SHOC1: variants seen among roughly 807,000 people sequenced by gnomAD.
SHOC1 encodes protein shortage in chiasmata 1 ortholog.
SHOC1 carries 136 observed loss-of-function variants against 179.2 expected under a neutral mutation model. That is an observed-to-expected ratio of 0.76 (90% CI 0.66 to 0.87). SHOC1 has a LOEUF of 0.87. SHOC1 is among the 40% of genes least tolerant of loss of function. The pLI, the probability that SHOC1 is intolerant of heterozygous loss-of-function variation, is 0.00. For synonymous variants in SHOC1, 489 were observed against 586.6 expected (o/e 0.83, Z 2.41); for missense variants, 1,538 against 1,700.8 (o/e 0.90, Z 1.68).
At chr9:111,717,486 G>A (rs1282026825) in intron 16 of SHOC1, among the ~76,000 whole-genome samples, 1 of 151,932 alleles carries the variant, frequency 6.6e-6, no homozygotes, top group Non-Finnish European at 1.5e-5. Context: ...CCAGCTTCCT[G>A]GGGGGCTGAG....
intron 25 of SHOC1, 93 bp downstream of exon 25, chr9:111,694,138 A>G (rs950023010): frequency 2.3e-6 from 3 of 1,321,678 alleles, no homozygotes; most frequent in Non-Finnish European, 3.1e-6. Flanking sequence ...AATTTGAGAC[A>G]TTTGGGGGAA....
intron 2 of SHOC1, 136 bp downstream of exon 2, chr9:111,791,238 G>A (rs1215585364): frequency 4.5e-6 from 2 of 445,988 alleles, no homozygotes; most frequent in Non-Finnish European, 7.5e-6. Context: ...TCCAAAATCT[G>A]AAAAAAAATC....
At chr9:111,742,429 A>C (rs1188082487) in intron 10 of SHOC1, among the ~76,000 whole-genome samples, 1 of 151,606 alleles carries the variant, frequency 6.6e-6, no homozygotes, top group African/African-American at 2.4e-5. Context: ...CAAGACCTTC[A>C]ATCTTGGTGG....
chr9:111,726,951 A>C (rs1422371919), intron 13 of SHOC1, among the ~76,000 whole-genome samples: 1 of 152,208 alleles, frequency 6.6e-6, no homozygotes, highest in Non-Finnish European at 1.5e-5. Context: ...ATAAATATCA[A>C]AAGTTTCCAA....
At chr9:111,759,500 G>A in intron 5 of SHOC1, 5 of 1,224,620 alleles carry the variant, frequency 4.1e-6, no homozygotes, top group Non-Finnish European at 5.1e-6. Context: ...ACCCTGCCTT[G>A]TCTGGGTTTC....
At chr9:111,740,125 T>C (rs974129602) in intron 11 of SHOC1, among the ~76,000 whole-genome samples, 3 of 152,200 alleles carry the variant, frequency 2.0e-5, no homozygotes, top group Admixed American at 6.5e-5. Context: ...GGTAGAAATA[T>C]GCAAATTTAT....
At chr9:111,775,603 A>G (rs993976005) in intron 5 of SHOC1, among the ~76,000 whole-genome samples, 188 bp downstream of exon 5, 2 of 152,194 alleles carry the variant, frequency 1.3e-5, no homozygotes, top group South Asian at 2.1e-4. Context: ...AAACTCCAAA[A>G]ATAACCCAAC....
At chr9:111,736,686 A>T (rs1282033051) in intron 12 of SHOC1, among the ~76,000 whole-genome samples, 2 of 152,204 alleles carry the variant, frequency 1.3e-5, no homozygotes, top group Non-Finnish European at 2.9e-5. Context: ...CCTCAAAAAC[A>T]ATCGCAACAA....
chr9:111,695,290 CT>C (rs912705024), intron 24 of SHOC1, among the ~76,000 whole-genome samples: 10 of 152,038 alleles, frequency 6.6e-5, no homozygotes, highest in African/African-American at 2.2e-4. Flanking sequence ...ATAATTATGA[CT>C]TTTTTTCTTT....
At position 111,774,757 on chromosome 9, in the gene SHOC1, A is replaced by G. The variant is rs191379393; in HGVS notation, c.442+1034T>C. On this transcript the variant is annotated intron_variant, in intron 5 of 27. Coordinates refer to ENST00000682961, the MANE Select transcript of SHOC1 (RefSeq NM_001378211.1). The stretch of plus-strand genomic sequence containing the variant: ...GCTAAAAATTTTATACATAATTTAT[A>G]TATCTACATAAAAATAACAGTAAAA... Among the ~76,000 whole-genome samples, 7 of 152,172 alleles carry G rather than the reference A, an allele frequency of 4.6e-5. No individual in the cohort carries two copies. In the East Asian group the frequency reaches 1.3e-3, roughly 29 times the overall value.
At chr9:111,754,955 A>G (rs1415712238) in intron 8 of SHOC1, among the ~76,000 whole-genome samples, 1 of 152,228 alleles carries the variant, frequency 6.6e-6, no homozygotes, top group Non-Finnish European at 1.5e-5. Flanking sequence ...TTATGGCTTG[A>G]GATATCCCTG....
At chr9:111,687,808 G>A (rs893764474) in intron 27 of SHOC1, among the ~76,000 whole-genome samples, 1 of 149,828 alleles carries the variant, frequency 6.7e-6, no homozygotes, top group African/African-American at 2.5e-5. Context: ...CCTGACTGTG[G>A]CTTTTTTTCA....
At chr9:111,778,770 CAAAAA>C (rs11295075) in intron 4 of SHOC1, among the ~76,000 whole-genome samples, 1 of 74,006 alleles carries the variant, frequency 1.4e-5, no homozygotes. Flanking sequence ...GACTCTGTCT[CAAAAA>C]AAAAAAAAAA....
In SHOC1 at chr9:111,757,087, T is replaced by A. The variant is rs555811236; in HGVS notation, c.709-609A>T. On this transcript the variant is annotated intron_variant, in intron 7 of 27. Transcript: ENST00000682961. ...TAAAATCTCCAAATATAAAACATTTTAAGTTGTCCTAAAAAAATGTTTTTT... is the reference window on the plus strand; with the variant it reads ...TAAAATCTCCAAATATAAAACATTTAAAGTTGTCCTAAAAAAATGTTTTTT... Among the ~76,000 whole-genome samples, 29 of 152,292 alleles carry A rather than the reference T, an allele frequency of 1.9e-4. No homozygotes were observed. The East Asian group carries it at 5.6e-3, about 29-fold the overall frequency.
chr9:111,740,611 G>A (rs1368609732), intron 11 of SHOC1, among the ~76,000 whole-genome samples: 1 of 152,150 alleles, frequency 6.6e-6, no homozygotes, highest in Non-Finnish European at 1.5e-5. Context: ...GTCTCACCAT[G>A]TTGCTCAGGC....
In SHOC1 at chr9:111,691,556, A is replaced by G. The variant is rs1378035452; in HGVS notation, c.4421T>C (p.Leu1474Ser). 6.2e-7 allele frequency: 1 copy of G among 1,610,392 alleles called. No individual in the cohort carries two copies. Among genetic ancestry groups the G allele is most frequent in the African/African-American group, 1.3e-5 (1 of 74,580 alleles). Reference protein sequence around the residue: ...SSFNSGDKESLTGFMCSQLPQ... With the variant: ...SSFNSGDKESSTGFMCSQLPQ... ...CAACTATTGGATAGTGTTACCTGTT[A>G]ATGATTCCTTGTCTCCTGAGTTAAA... The change falls in exon 27 of 28, where the codon TTA (leucine) becomes TCA (serine). Residue 1474 changes from leucine (L) to serine (S), a missense_variant. Physicochemically the swap from Leu to Ser is moderately radical, Grantham distance 145. Coordinates refer to ENST00000682961, the MANE Select transcript of SHOC1 (RefSeq NM_001378211.1).
rs1831482450 is a variant in SHOC1 at position 111,692,322 on chromosome 9, C to T, written c.3655G>A (p.Val1219Met). ...AAAATGGTGGTTTTGTCTTCCTGCA[C>T]TGTCTCTCCTAATCCTAAATACTGA... is the stretch of plus-strand genomic sequence containing the variant. ...YYQYLGLGET[V>M]QEDKTTILND... is the part of the protein sequence containing the mutation. The change falls in exon 27 of 28, where the codon GTG becomes ATG. Residue 1219 changes from valine (V) to methionine (M), a missense_variant. Val to Met is a conservative substitution (Grantham distance 21). Coordinates refer to ENST00000682961, the MANE Select transcript of SHOC1 (RefSeq NM_001378211.1). The T allele has an allele frequency of 3.1e-6, 5 of 1,612,130 alleles. No homozygotes were observed. The East Asian group carries it at 1.1e-4, about 36-fold the overall frequency.
chr9:111,780,572 G>A (rs1264185959), intron 4 of SHOC1, among the ~76,000 whole-genome samples: 1 of 151,970 alleles, frequency 6.6e-6, no homozygotes, highest in Non-Finnish European at 1.5e-5. Flanking sequence ...AATATTTGAT[G>A]AATGCTTAAA....
At chr9:111,704,059 G>T in intron 21 of SHOC1, 67 bp from the exon 22 acceptor site, 2 of 744,294 alleles carry the variant, frequency 2.7e-6, no homozygotes, top group South Asian at 1.8e-5. Flanking sequence ...AAAAGTTGTA[G>T]TTCCCTCCTG....
Sources: gnomAD v4.1 joint callset for allele counts (sites outside exome capture counted in the v4.1 genomes callset) on GRCh38, gnomAD v4.1.1 for gene constraint, MANE v1.5 for transcripts, NCBI Gene and HGNC (gene_info 2026-07-23, HGNC 2026-07-21) for gene names.